The following CSMD2 variants were observed in gnomAD, a reference collection of about 807,000 sequenced individuals.
The protein encoded by CSMD2 is CUB and sushi domain-containing protein 2.
Under a neutral mutation model 398.5 loss-of-function variants are expected in CSMD2, and 130 were observed. The ratio of observed to expected loss-of-function variants is 0.33; its 90% CI spans 0.28 to 0.38. The LOEUF (loss-of-function observed/expected upper bound fraction) is 0.38, where lower values mean the gene tolerates loss of function less well. Ranked by LOEUF, CSMD2 falls within the 10% of genes least tolerant of loss-of-function variation. The probability of loss-of-function intolerance (pLI) is 1.00; values close to 1 mark genes in which losing one functional copy is unlikely to be tolerated. For missense variants in CSMD2, 3,829 were observed against 4,764.9 expected, an observed-to-expected ratio of 0.80 and a Z score of 5.78; for synonymous variants, 1,828 against 1,908.5, an observed-to-expected ratio of 0.96 and a Z score of 1.10.
rs146683320 is a variant in CSMD2, at chr1:33,695,527, G to A, written c.3926-2471C>T. 3.5e-3 allele frequency among the ~76,000 whole-genome samples: 531 copies of A among 152,188 alleles called. 7 individuals carry two copies. The Middle Eastern group carries it at 0.075, about 21-fold the overall frequency. On this transcript the variant is annotated intron_variant, in intron 24 of 70. Coordinates refer to ENST00000373381, the MANE Select transcript of CSMD2 (RefSeq NM_001281956.2). ...GCTGGTGTTCTCCTCCTTCCTCCCCGACATCTAATCTGCCTCTGAGACCCA... is the reference window on the plus strand; with the variant it reads ...GCTGGTGTTCTCCTCCTTCCTCCCCAACATCTAATCTGCCTCTGAGACCCA...
chr1:33,963,635 C>A (rs574972987), intron 3 of CSMD2, among the ~76,000 whole-genome samples: 14 of 152,220 alleles, frequency 9.2e-5, no homozygotes, highest in Middle Eastern at 3.4e-3. Flanking sequence ...TTTAAAATGT[C>A]CAGAATTTCA....
Position 33,765,984 on chromosome 1 carries a change from A to G in CSMD2, c.1846+6585T>C, listed in dbSNP as rs981076708. 1.1e-4 allele frequency among the ~76,000 whole-genome samples: 17 copies of G among 152,160 alleles called. 1 individual carries two copies. Among genetic ancestry groups the G allele is most frequent in the Admixed American group, 1.0e-3 (16 of 15,272 alleles). Reference sequence around the variant, plus strand: ...CTCTATCCAGTGCCCTGTGATGGCAATCTTGGCAGTCCTCCAGACACCTCT... The same window carrying G: ...CTCTATCCAGTGCCCTGTGATGGCAGTCTTGGCAGTCCTCCAGACACCTCT... On this transcript the variant is annotated intron_variant, in intron 13 of 70. Transcript: ENST00000373381.
intron 5 of CSMD2, among the ~76,000 whole-genome samples, chr1:33,908,337 G>C (rs1413768329): frequency 2.6e-5 from 4 of 152,212 alleles, no homozygotes; most frequent in African/African-American, 9.6e-5. Context: ...CCAGAAGACA[G>C]GTCTTGCCAG....
chr1:33,532,800 T>C (rs1327348277), intron 64 of CSMD2, among the ~76,000 whole-genome samples: 1 of 152,200 alleles, frequency 6.6e-6, no homozygotes, highest in Non-Finnish European at 1.5e-5. Flanking sequence ...TTCCTCTGCC[T>C]GATGATGAAA....
chr1:33,775,931 C>T (rs1228956007), intron 12 of CSMD2, among the ~76,000 whole-genome samples: 1 of 152,200 alleles, frequency 6.6e-6, no homozygotes, highest in African/African-American at 2.4e-5. Context: ...AGGAGATCAA[C>T]AGCCTTGAAT....
At chr1:33,901,476 T>A (rs2125237167) in intron 5 of CSMD2, among the ~76,000 whole-genome samples, 1 of 152,330 alleles carries the variant, frequency 6.6e-6, no homozygotes, top group Non-Finnish European at 1.5e-5. Context: ...GGAGGAGGAC[T>A]CTGTATTCTA....
Position 33,699,084 on chromosome 1 carries a change from T to G in CSMD2, c.3734-140A>C, listed in dbSNP as rs59686720. On this transcript the variant is annotated intron_variant, in intron 23 of 70. Transcript: ENST00000373381. ...GTTCTGATGGATTCACCAGTCAGGA[T>G]TTCCTCATTTCTATGCTCAGTTGAG... The G allele has an allele frequency of 9.6e-3, 5,921 of 615,456 alleles. 249 individuals carry two copies. The highest frequency in any genetic ancestry group is 0.094 in the African/African-American group (5,098 of 54,246). The allele number at this position is 615,456 out of a possible 1,614,324, so 38.1% of individuals were successfully genotyped here.
At chr1:33,758,764 G>A (rs371833416) in intron 13 of CSMD2, among the ~76,000 whole-genome samples, 12 of 152,148 alleles carry the variant, frequency 7.9e-5, no homozygotes, top group East Asian at 7.7e-4. Context: ...TTTAGCCCAC[G>A]GAATTGTGAG....
chr1:33,664,895 A>C (rs1217300022), intron 25 of CSMD2, among the ~76,000 whole-genome samples: 2 of 152,146 alleles, frequency 1.3e-5, no homozygotes, highest in African/African-American at 2.4e-5. Context: ...TGATTGTTTC[A>C]ATTTATATTC....
At chr1:33,953,360 C>A (rs1645066403) in intron 3 of CSMD2, among the ~76,000 whole-genome samples, 1 of 152,194 alleles carries the variant, frequency 6.6e-6, no homozygotes, top group Non-Finnish European at 1.5e-5. Context: ...CCATTCTCTG[C>A]TACACAGCCA....
chr1:33,650,567 G>C (rs1571088402), intron 28 of CSMD2, among the ~76,000 whole-genome samples: 1 of 152,086 alleles, frequency 6.6e-6, no homozygotes, highest in African/African-American at 2.4e-5. Flanking sequence ...AGGATGGGGT[G>C]GGGGGCTGAC....
intron 19 of CSMD2, among the ~76,000 whole-genome samples, chr1:33,721,523 C>T (rs1243489080): frequency 6.6e-6 from 1 of 152,154 alleles, no homozygotes; most frequent in Non-Finnish European, 1.5e-5. Context: ...CTCTAGGGAT[C>T]GTGAGGGGCT....
At chr1:33,549,841 AG>A (rs1174317191) in intron 56 of CSMD2, among the ~76,000 whole-genome samples, 1 of 152,208 alleles carries the variant, frequency 6.6e-6, no homozygotes, top group Non-Finnish European at 1.5e-5. Context: ...GCTGATCAAC[AG>A]GAAGACTTGA....
intron 1 of CSMD2, among the ~76,000 whole-genome samples, chr1:34,090,431 T>C (rs1409327138): frequency 1.3e-5 from 2 of 152,184 alleles, no homozygotes; most frequent in Non-Finnish European, 1.5e-5. Context: ...CACTTGTGCA[T>C]TGGTTACTCA....
At position 33,636,734 on chromosome 1, in the gene CSMD2, T is replaced by C. The variant is rs190961442; in HGVS notation, c.4775-180A>G. On this transcript the variant is annotated intron_variant, in intron 29 of 70. Coordinates refer to ENST00000373381, the MANE Select transcript of CSMD2 (RefSeq NM_001281956.2). This position sits in a 1 kb window ranked among gnomAD's most constrained non-coding sequence, Gnocchi z 4.8. Reference sequence around the variant, plus strand: ...AACGTCTCTAAATTTGGGTAGAAATTGAAGGATGGAAATCACATTGAAGAG... The same window carrying C: ...AACGTCTCTAAATTTGGGTAGAAATCGAAGGATGGAAATCACATTGAAGAG... 4.7e-4 allele frequency among the ~76,000 whole-genome samples: 71 copies of C among 152,240 alleles called. No individual in the cohort carries two copies. Among genetic ancestry groups the C allele is most frequent in the Middle Eastern group, 3.4e-3 (1 of 294 alleles).
chr1:33,650,372 AT>A (rs1643690707), intron 28 of CSMD2, among the ~76,000 whole-genome samples: 8 of 152,324 alleles, frequency 5.3e-5, no homozygotes, highest in Admixed American at 3.9e-4. Flanking sequence ...TATGGAGGAA[AT>A]CAAGCCTGAA....
intron 3 of CSMD2, among the ~76,000 whole-genome samples, chr1:33,982,491 A>G (rs904819980): frequency 1.3e-5 from 2 of 152,230 alleles, no homozygotes; most frequent in African/African-American, 4.8e-5. Context: ...GAGAGAGGTT[A>G]TCCTGAAGCT....
intron 32 of CSMD2, among the ~76,000 whole-genome samples, chr1:33,628,579 G>C (rs752069826): frequency 6.7e-6 from 1 of 150,094 alleles, no homozygotes; most frequent in Non-Finnish European, 1.5e-5. Context: ...TGAGGCAGGA[G>C]AATCTCTTGA....
intron 2 of CSMD2, among the ~76,000 whole-genome samples, chr1:34,053,134 T>A (rs1359889062): frequency 1.3e-5 from 2 of 152,214 alleles, no homozygotes; most frequent in African/African-American, 4.8e-5. Context: ...TGTCCATCCC[T>A]TCCCACGCCT....
Sources: allele counts gnomAD v4.1 joint callset (sites outside exome capture counted in the v4.1 genomes callset), GRCh38; gene constraint gnomAD v4.1.1; non-coding constraint Gnocchi (gnomAD v3.1); transcripts MANE v1.5; gene names NCBI Gene and HGNC (gene_info 2026-07-23, HGNC 2026-07-21).